The following MCF2L variants were observed in gnomAD, a reference collection of about 807,000 sequenced individuals.
The protein encoded by MCF2L is guanine nucleotide exchange factor DBS.
Under a neutral mutation model 153.4 loss-of-function variants are expected in MCF2L, and 97 were observed. That is an observed-to-expected ratio of 0.63 (90% CI 0.54 to 0.75). MCF2L has a LOEUF of 0.75. Among genes scored for constraint, MCF2L ranks in the 30% least tolerant of loss-of-function variants. The pLI is 0.00. For missense variants in MCF2L, 1,347 were observed against 1,495.2 expected, an observed-to-expected ratio of 0.90 and a Z score of 1.64; for synonymous variants, 659 against 632.2, an observed-to-expected ratio of 1.04 and a Z score of -0.64.
intron 1 of MCF2L, chr13:113,009,771 A>G (rs1320475932): frequency 6.6e-6 from 1 of 152,196 alleles, no homozygotes; most frequent in Non-Finnish European, 1.5e-5. Context: ...GGGTTTGGAG[A>G]TCCTCAAGGA....
chr13:113,061,802 T>C (rs191516596), intron 5 of MCF2L, among the ~76,000 whole-genome samples: 848 of 4,834 alleles, frequency 0.18, 62 homozygotes, highest in African/African-American at 0.33. Flanking sequence ...TTCCCCTCCC[T>C]TCCCTCTCCC....
chr13:112,985,335 TG>T, intron 1 of MCF2L: 1 of 460,468 alleles, frequency 2.2e-6, no homozygotes. Flanking sequence ...GAGAGGGTTG[TG>T]GCGAGCCCAG....
chr13:112,932,522 C>T lies in MCF2L; in HGVS notation c.169+30151C>T, dbSNP rs1196485269. On this transcript the variant is annotated intron_variant, in intron 2 of 29. Transcript: ENST00000375608. The surrounding 1 kb of genome is among the most constrained non-coding windows in gnomAD (Gnocchi z 4.6). Reference sequence around the variant, plus strand: ...TAATAATAATGTACCAATATTGGCTCATTAATTGCAACAAAGGCACCATAA... The same window carrying T: ...TAATAATAATGTACCAATATTGGCTTATTAATTGCAACAAAGGCACCATAA... 6.6e-6 allele frequency among the ~76,000 whole-genome samples: 1 copy of T among 152,170 alleles called. No homozygotes were observed. Among genetic ancestry groups the T allele is most frequent in the African/African-American group, 2.4e-5 (1 of 41,416 alleles).
At chr13:113,025,562 T>C (rs77181311) in intron 3 of MCF2L, among the ~76,000 whole-genome samples, 31 of 40,566 alleles carry the variant, frequency 7.6e-4, no homozygotes, top group South Asian at 3.2e-3. Context: ...GGGCAGAGTC[T>C]CTGGGAGGTT....
chr13:112,913,138 C>G (rs1225035140), intron 2 of MCF2L, among the ~76,000 whole-genome samples: 1 of 130,474 alleles, frequency 7.7e-6, no homozygotes, highest in Admixed American at 7.8e-5. Flanking sequence ...GATTGTGTGT[C>G]TGTGGTGTAT....
At chr13:113,060,993 G>A (rs1054352047) in intron 5 of MCF2L, among the ~76,000 whole-genome samples, 3 of 148,846 alleles carry the variant, frequency 2.0e-5, no homozygotes, top group South Asian at 2.2e-4. Flanking sequence ...CGCGGGTCAC[G>A]CGACATTCAT....
In MCF2L at chr13:113,078,372, G is replaced by A. The variant is rs183892240; in HGVS notation, c.1670G>A (p.Arg557Gln). Residue 557 changes from arginine to glutamine, a missense_variant, in exon 14 of 30, where the codon CGA becomes CAA. Coordinates refer to ENST00000535094, the MANE Select transcript of MCF2L (RefSeq NM_001112732.3). ...CCCTTCTTCCCAACAGGCATTCGGC[G>A]AGGCTCTGAGAACTCCAGCTCCGAG... ...KSPCPSPGIR[R>Q]GSENSSSEGG... The A allele has an allele frequency of 6.2e-6, 10 of 1,613,374 alleles. No homozygotes were observed. The highest frequency in any genetic ancestry group is 4.5e-5 in the East Asian group (2 of 44,866).
intron 1 of MCF2L, chr13:113,001,872 G>A (rs770661683): frequency 1.7e-5 from 27 of 1,562,552 alleles, no homozygotes; most frequent in African/African-American, 5.5e-5. Context: ...AGGGCGTTCC[G>A]GGAGCCGGGT....
chr13:112,928,119 T>G (rs911589466), intron 2 of MCF2L, among the ~76,000 whole-genome samples: 2 of 152,242 alleles, frequency 1.3e-5, no homozygotes, highest in African/African-American at 4.8e-5. Flanking sequence ...TTAGGAATGT[T>G]TACTGAACTC....
chr13:113,039,212 G>A (rs2086335126), intron 3 of MCF2L, among the ~76,000 whole-genome samples: 1 of 152,182 alleles, frequency 6.6e-6, no homozygotes, highest in Non-Finnish European at 1.5e-5. Flanking sequence ...GAGGGGGATG[G>A]ACGTCCTCAG....
At chr13:112,939,473 C>T (rs962312741) in intron 2 of MCF2L, among the ~76,000 whole-genome samples, 4 of 152,208 alleles carry the variant, frequency 2.6e-5, no homozygotes, top group African/African-American at 9.6e-5. Flanking sequence ...TGGTTATCAA[C>T]CTCTGGTCTC....
At chr13:112,913,427 G>A (rs1254392159) in intron 2 of MCF2L, among the ~76,000 whole-genome samples, 2 of 152,136 alleles carry the variant, frequency 1.3e-5, no homozygotes, top group African/African-American at 4.8e-5. Flanking sequence ...CCGTCATGAT[G>A]TCTCAGCTGC....
chr13:113,058,988 TTCAGTGCCATTTGGGTGCTGAG>T (rs2030885226), intron 4 of MCF2L, among the ~76,000 whole-genome samples: 1 of 147,540 alleles, frequency 6.8e-6, no homozygotes, highest in African/African-American at 2.5e-5. Flanking sequence ...TGCTGAGTGT[TTCAGTGCCATTTGGGTGCTGAG>T]TGGGTGCTGA....
intron 1 of MCF2L, among the ~76,000 whole-genome samples, chr13:112,971,866 G>A (rs1383525985): frequency 6.6e-6 from 1 of 152,182 alleles, no homozygotes; most frequent in Non-Finnish European, 1.5e-5. Flanking sequence ...AGTCATTGGT[G>A]AAAAGGTAGA....
At position 113,070,552 on chromosome 13, in the gene MCF2L, T is replaced by G. The variant is rs2032803155; in HGVS notation, c.996+379T>G. On this transcript the variant is annotated intron_variant, in intron 9 of 29. Transcript: ENST00000535094. The surrounding 1 kb of genome is among the most constrained non-coding windows in gnomAD (Gnocchi z 5.6). ...GTAGGACGGCGTCACAGTCATGAGG[T>G]GCACAGCGACACGGCCAGTGCAGCC... 6.6e-6 allele frequency among the ~76,000 whole-genome samples: 1 copy of G among 152,154 alleles called. No homozygotes were observed. The highest frequency in any genetic ancestry group is 2.4e-5 in the African/African-American group (1 of 41,426).
chr13:113,018,628 T>C (rs1006326305), intron 2 of MCF2L, among the ~76,000 whole-genome samples: 22 of 152,046 alleles, frequency 1.4e-4, no homozygotes, highest in African/African-American at 5.3e-4. Context: ...ACTCAGTCCT[T>C]GTGTCATCCT....
At chr13:112,986,837 G>A (rs900608168) in intron 1 of MCF2L, among the ~76,000 whole-genome samples, 3 of 152,222 alleles carry the variant, frequency 2.0e-5, no homozygotes, top group Non-Finnish European at 2.9e-5. Context: ...CAACAGTGGC[G>A]CGTACGCTGC....
chr13:113,090,322 C>A, intron 26 of MCF2L: 1 of 1,208,498 alleles, frequency 8.3e-7, no homozygotes. Context: ...GCACAGACAC[C>A]AGAGTTATTT....
chr13:112,917,211 C>T (rs922057458), intron 2 of MCF2L: 76 of 470,076 alleles, frequency 1.6e-4, no homozygotes, highest in South Asian at 1.7e-4. Context: ...GGCACTGCAC[C>T]GCCCTGCCTC....
Sources: gnomAD v4.1 joint callset for allele counts (sites outside exome capture counted in the v4.1 genomes callset) on GRCh38, gnomAD v4.1.1 for gene constraint, Gnocchi (gnomAD v3.1) non-coding constraint, MANE v1.5 for transcripts, NCBI Gene and HGNC (gene_info 2026-07-23, HGNC 2026-07-21) for gene names.